The following HERC1 variants were observed in gnomAD, a reference collection of about 807,000 sequenced individuals.
HERC1 encodes the protein probable E3 ubiquitin-protein ligase HERC1.
A neutral mutation model predicts 554.3 loss-of-function variants in HERC1; 160 were observed. The observed-to-expected ratio is 0.29, with a 90% CI of 0.25 to 0.33. The LOEUF (loss-of-function observed/expected upper bound fraction) is 0.33. Among genes scored for constraint, HERC1 ranks in the 10% least tolerant of loss-of-function variants. The pLI is 1.00. For synonymous variants in HERC1, 2,175 were observed against 2,131.7 expected (o/e 1.02, Z -0.56); for missense variants, 4,919 against 5,918.5 (o/e 0.83, Z 5.54).
At chr15:63,691,200 C>A (rs538562167) in intron 31 of HERC1, among the ~76,000 whole-genome samples, 1 of 151,998 alleles carries the variant, frequency 6.6e-6, no homozygotes, top group Non-Finnish European at 1.5e-5. Flanking sequence ...GCATGGTGAC[C>A]CATGCCTGTA....
intron 26 of HERC1, 53 bp downstream of exon 26, chr15:63,698,675 G>A: frequency 6.5e-7 from 1 of 1,531,970 alleles, no homozygotes; most frequent in Non-Finnish European, 8.8e-7. Context: ...ACATTCAATG[G>A]TTCAGTTTTA....
At chr15:63,759,312 A>G (rs1449670854) in intron 3 of HERC1, among the ~76,000 whole-genome samples, 1 of 152,220 alleles carries the variant, frequency 6.6e-6, no homozygotes, top group Non-Finnish European at 1.5e-5. Context: ...GTATATCTGA[A>G]TATATAAAAT....
intron 51 of HERC1, among the ~76,000 whole-genome samples, chr15:63,653,418 G>A (rs901607552): frequency 6.6e-6 from 1 of 152,154 alleles, no homozygotes; most frequent in Admixed American, 6.5e-5. Context: ...ACTTCAGTCT[G>A]GGTGAGACTC....
chr15:63,609,360 A>G, intron 77 of HERC1, 94 bp from the exon 78 acceptor site: 3 of 1,115,704 alleles, frequency 2.7e-6, no homozygotes, highest in Non-Finnish European at 2.5e-6. Context: ...TTCAAGATGG[A>G]ATTAACATGG....
At chr15:63,808,414 A>C (rs2077197185) in intron 1 of HERC1, among the ~76,000 whole-genome samples, 1 of 152,124 alleles carries the variant, frequency 6.6e-6, no homozygotes, top group Admixed American at 6.5e-5. Context: ...CAGCATCCTG[A>C]GTAGCTAGGA....
intron 74 of HERC1, among the ~76,000 whole-genome samples, chr15:63,622,021 C>T (rs376466663): frequency 2.0e-5 from 3 of 152,102 alleles, no homozygotes; most frequent in African/African-American, 4.8e-5. Context: ...AGCTTTGTTC[C>T]GTTGCTGGTG....
chr15:63,826,539 A>G (rs1037943987), intron 1 of HERC1, among the ~76,000 whole-genome samples: 1 of 152,202 alleles, frequency 6.6e-6, no homozygotes, highest in Admixed American at 6.5e-5. Flanking sequence ...AAAGTATTTT[A>G]GAGCACAGGT....
In HERC1 at chr15:63,680,157, G is replaced by C; in HGVS notation, c.6469C>G (p.Pro2157Ala). ...TISFGKNGEEPKLAFEDVDAA... is the reference protein window; with the variant it reads ...TISFGKNGEEAKLAFEDVDAA... ...TCCACATCTTCAAAAGCTAATTTGG[G>C]TTCCTACAGTGTGGCAGCAGTGAGG... is the stretch of plus-strand genomic sequence containing the variant. The change falls in exon 36 of 78, where the codon CCC becomes GCC. Residue 2157 changes from proline to alanine, a missense_variant. Coordinates refer to ENST00000443617, the MANE Select transcript of HERC1 (RefSeq NM_003922.4). The surrounding 1 kb of genome is among the most constrained non-coding windows in gnomAD (Gnocchi z 5.8). 1 of 1,612,436 alleles carries C rather than the reference G, an allele frequency of 6.2e-7. No homozygotes were observed. Among genetic ancestry groups the C allele is most frequent in the Non-Finnish European group, 8.5e-7 (1 of 1,178,926 alleles).
intron 60 of HERC1, 74 bp from the exon 61 acceptor site, chr15:63,640,519 G>A: frequency 1.7e-6 from 2 of 1,185,572 alleles, no homozygotes; most frequent in Non-Finnish European, 2.4e-6. Flanking sequence ...ACCGTAGTCT[G>A]AAAGTCTGGA....
intron 2 of HERC1, among the ~76,000 whole-genome samples, chr15:63,767,205 G>C (rs2075809064): frequency 6.8e-6 from 1 of 148,088 alleles, no homozygotes; most frequent in Non-Finnish European, 1.5e-5. Flanking sequence ...GTTTCACCAT[G>C]TTGGCCACAC....
intron 1 of HERC1, among the ~76,000 whole-genome samples, chr15:63,778,894 T>C (rs1302714182): frequency 6.6e-6 from 1 of 151,474 alleles, no homozygotes; most frequent in Non-Finnish European, 1.5e-5. Flanking sequence ...TGAAAAATCC[T>C]GAATCAAAAA....
In HERC1 at chr15:63,775,255, G is replaced by A; in HGVS notation, c.369C>T (p.Asp123=). 1 of 1,614,020 alleles carries A rather than the reference G, an allele frequency of 6.2e-7. No homozygotes were observed. Among genetic ancestry groups the A allele is most frequent in the African/African-American group, 1.3e-5 (1 of 75,048 alleles). Residue 123 remains aspartate, a synonymous_variant, in exon 2 of 78, where the codon GAC becomes GAT. Transcript: ENST00000443617. The surrounding 1 kb of genome is among the most constrained non-coding windows in gnomAD (Gnocchi z 4.0). ...GCTGCTGCTGCTTCACCTTGCCTTT[G>A]TCATGGTATTTATTAGAAAGTGCAT... The part of the protein sequence containing the change: ...VFYALSNKYH[D]KGKVKQQQHS...
Position 63,749,255 on chromosome 15 carries a change from G to A in HERC1, c.2219+112C>T, listed in dbSNP as rs2141772564. The A allele has an allele frequency of 1.2e-6, 1 of 814,848 alleles. No homozygotes were observed. The highest frequency in any genetic ancestry group is 1.9e-5 in the South Asian group (1 of 53,368). 50.5% of individuals were successfully genotyped at this position (814,848 alleles called of 1,614,324 possible). ...GAAAAAGCAATACTATATATGTTCA[G>A]AAGAGTATTTTATGAACAAAGCACA... On this transcript the variant is annotated intron_variant, in intron 10 of 77. Transcript: ENST00000443617. This position sits in a 1 kb window ranked among gnomAD's most constrained non-coding sequence, Gnocchi z 4.1.
chr15:63,686,133 T>C (rs1313486832), intron 34 of HERC1, among the ~76,000 whole-genome samples: 1 of 152,146 alleles, frequency 6.6e-6, no homozygotes, highest in Non-Finnish European at 1.5e-5. Context: ...ATTTTAAACA[T>C]CCATTTTTAA....
At chr15:63,620,550 G>C (rs1386765680) in intron 74 of HERC1, among the ~76,000 whole-genome samples, 1 of 152,108 alleles carries the variant, frequency 6.6e-6, no homozygotes, top group Non-Finnish European at 1.5e-5. Context: ...GGATATCCTT[G>C]TTAACTTTCT....
chr15:63,634,787 A>G lies in HERC1; in HGVS notation c.12516T>C (p.Ser4172=), dbSNP rs1190020101. ...TCACTCTCTCTGGAAGTTTTTTGTTAGAGGTATTTCCAAGACCCAGACGAC... is the reference window on the plus strand; with the variant it reads ...TCACTCTCTCTGGAAGTTTTTTGTTGGAGGTATTTCCAAGACCCAGACGAC... The part of the protein sequence containing the change: ...DYGRLGLGNT[S]NKKLPERVTA... Residue 4172 remains serine (S), a synonymous_variant, in exon 66 of 78, where the codon TCT becomes TCC. Transcript: ENST00000443617. The G allele has an allele frequency of 1.2e-6, 2 of 1,613,144 alleles. No individual in the cohort carries two copies. The highest frequency in any genetic ancestry group is 8.5e-7 in the Non-Finnish European group (1 of 1,179,512).
At chr15:63,622,286 G>C (rs1057248343) in intron 74 of HERC1, among the ~76,000 whole-genome samples, 1 of 149,438 alleles carries the variant, frequency 6.7e-6, no homozygotes, top group Non-Finnish European at 1.5e-5. Context: ...CATTGATTTG[G>C]TCTCAATAAA....
At chr15:63,672,884 CAT>C (rs2071008830) in intron 38 of HERC1, among the ~76,000 whole-genome samples, 190 bp from the exon 39 acceptor site, 1 of 152,146 alleles carries the variant, frequency 6.6e-6, no homozygotes, top group Non-Finnish European at 1.5e-5. Context: ...CTACTGTACT[CAT>C]TAATTCCAGA....
At chr15:63,702,714 T>C (rs1399970014) in intron 25 of HERC1, among the ~76,000 whole-genome samples, 1 of 152,354 alleles carries the variant, frequency 6.6e-6, no homozygotes, top group Admixed American at 6.5e-5. Context: ...AGAACAATGC[T>C]CATATAGTAA....
Sources: gnomAD v4.1 joint callset for allele counts (sites outside exome capture counted in the v4.1 genomes callset) on GRCh38, gnomAD v4.1.1 for gene constraint, Gnocchi (gnomAD v3.1) non-coding constraint, MANE v1.5 for transcripts, NCBI Gene and HGNC (gene_info 2026-07-23, HGNC 2026-07-21) for gene names.